PIBF1: variants seen among roughly 807,000 people sequenced by gnomAD.
The protein encoded by PIBF1 is progesterone-induced-blocking factor 1.
Under a neutral mutation model 112.5 loss-of-function variants are expected in PIBF1, and 90 were observed. The observed-to-expected ratio is 0.80, with a 90% CI of 0.67 to 0.95. The LOEUF is 0.95. Among genes scored for constraint, PIBF1 ranks in the 40% least tolerant of loss-of-function variants. The pLI is 0.00. For missense variants in PIBF1, 915 were observed against 852.3 expected (o/e 1.07, Z -0.92); for synonymous variants, 301 against 288.6 (o/e 1.04, Z -0.44).
rs1354375330 is a variant in PIBF1 at position 72,947,154 on chromosome 13, C to T, written c.1833+15887C>T. 2.6e-5 allele frequency among the ~76,000 whole-genome samples: 4 copies of T among 152,230 alleles called. No individual in the cohort carries two copies. In the East Asian group the frequency reaches 5.8e-4, roughly 22 times the overall value. ...TGAAATCTAGTCAGTGGTTTCCAAA[C>T]CTCAGTTCTTAACTTCTGTACCCCT... On this transcript the variant is annotated intron_variant, in intron 14 of 17. Coordinates refer to ENST00000326291, the MANE Select transcript of PIBF1 (RefSeq NM_006346.4).
intron 14 of PIBF1, among the ~76,000 whole-genome samples, chr13:72,934,092 T>C (rs1234360253): frequency 6.6e-6 from 1 of 152,164 alleles, no homozygotes; most frequent in African/African-American, 2.4e-5. Flanking sequence ...ACTTTTCCCT[T>C]AAGATTGAAA....
chr13:72,853,993 C>A, intron 9 of PIBF1, 64 bp from the exon 10 acceptor site: 2 of 1,227,868 alleles, frequency 1.6e-6, no homozygotes, highest in African/African-American at 1.5e-5. Context: ...GATAGTCCAT[C>A]TTTAAGAAAG....
intron 16 of PIBF1, among the ~76,000 whole-genome samples, chr13:72,978,272 C>T (rs1017540979): frequency 6.6e-6 from 1 of 152,198 alleles, no homozygotes; most frequent in East Asian, 1.9e-4. Flanking sequence ...CTACTAAGTA[C>T]ATCCACATAA....
intron 14 of PIBF1, among the ~76,000 whole-genome samples, chr13:72,946,333 A>G (rs1408643459): frequency 6.6e-6 from 1 of 152,172 alleles, no homozygotes; most frequent in Non-Finnish European, 1.5e-5. Flanking sequence ...TGCCCGCATG[A>G]TTAATTACTT....
At chr13:72,998,067 C>T (rs2043737686) in intron 16 of PIBF1, among the ~76,000 whole-genome samples, 1 of 152,130 alleles carries the variant, frequency 6.6e-6, no homozygotes, top group African/African-American at 2.4e-5. Context: ...CTAAAGAAAT[C>T]CTGAATCTGT....
intron 10 of PIBF1, among the ~76,000 whole-genome samples, chr13:72,864,555 G>A (rs1010195905): frequency 2.0e-5 from 3 of 152,096 alleles, no homozygotes; most frequent in Non-Finnish European, 2.9e-5. Flanking sequence ...GCGCATGTGC[G>A]TGCATGTGTG....
intron 11 of PIBF1, among the ~76,000 whole-genome samples, chr13:72,907,206 G>T (rs947547671): frequency 2.0e-5 from 3 of 151,926 alleles, no homozygotes; most frequent in African/African-American, 7.2e-5. Context: ...TTTACTTTGG[G>T]GGAAAGTTTT....
chr13:72,914,224 T>TAA (rs2041004553), intron 12 of PIBF1, among the ~76,000 whole-genome samples: 1 of 152,216 alleles, frequency 6.6e-6, no homozygotes, highest in African/African-American at 2.4e-5. Flanking sequence ...TATTAAGGTG[T>TAA]AACCATAGCA....
chr13:72,873,113 C>T (rs1393190918), intron 10 of PIBF1, among the ~76,000 whole-genome samples: 1 of 151,954 alleles, frequency 6.6e-6, no homozygotes, highest in Admixed American at 6.6e-5. Flanking sequence ...ACATGGAAAT[C>T]GAAAGGACCA....
At chr13:72,877,407 G>A (rs1199083156) in intron 10 of PIBF1, among the ~76,000 whole-genome samples, 1 of 152,166 alleles carries the variant, frequency 6.6e-6, no homozygotes, top group Non-Finnish European at 1.5e-5. Context: ...TAATAAATTA[G>A]AAAGTATTCC....
intron 11 of PIBF1, among the ~76,000 whole-genome samples, chr13:72,899,267 C>G (rs1477218824): frequency 6.6e-6 from 1 of 152,158 alleles, no homozygotes; most frequent in African/African-American, 2.4e-5. Flanking sequence ...CTCCCTAATT[C>G]ATTCTATAAA....
rs185795004 is a variant in PIBF1, at chr13:72,874,815, G to A, written c.1323-18969G>A. Among the ~76,000 whole-genome samples the A allele has an allele frequency of 9.5e-4, 144 of 152,212 alleles. 1 individual carries two copies. The highest frequency in any genetic ancestry group is 3.2e-3 in the African/African-American group (132 of 41,528). On this transcript the variant is annotated intron_variant, in intron 10 of 17. Coordinates refer to ENST00000326291, the MANE Select transcript of PIBF1 (RefSeq NM_006346.4). ...GGGTTCACTGCAAAATTGAAAGGAG[G>A]TACAGATTGCTCATATAACCCCTAC...
intron 10 of PIBF1, among the ~76,000 whole-genome samples, chr13:72,892,106 G>A (rs1007583537): frequency 2.0e-5 from 3 of 152,050 alleles, no homozygotes; most frequent in East Asian, 1.9e-4. Context: ...ATAATGATGT[G>A]CAAATTTGTA....
rs1491281184 is a variant in PIBF1, at chr13:72,832,071, C to CTTTTTTTTTTTTTTTTTTTTTT, written c.1098-3172_1098-3171insTTTTTTTTTTTTTTTTTTTTTT. On this transcript the variant is annotated intron_variant, in intron 8 of 17. Transcript: ENST00000326291. ...TCAGAGATTAGAATTGCAATTCCGG[C>CTTTTTTTTTTTTTTTTTTTTTT]CTTTTTTTTTTTTTTTTTTTTTTTT... 3.4e-5 allele frequency among the ~76,000 whole-genome samples: 2 copies of CTTTTTTTTTTTTTTTTTTTTTT among 59,492 alleles called. 1 individual carries two copies. Among genetic ancestry groups the CTTTTTTTTTTTTTTTTTTTTTT allele is most frequent in the African/African-American group, 1.1e-4 (2 of 17,818 alleles). The allele number at this position is 59,492 out of a possible 152,430, so 39.0% of individuals were successfully genotyped here.
chr13:73,004,725 A>G (rs1367712102), intron 17 of PIBF1, among the ~76,000 whole-genome samples: 1 of 152,224 alleles, frequency 6.6e-6, no homozygotes, highest in Admixed American at 6.5e-5. Flanking sequence ...TCATATTAAT[A>G]GAGACAGAAA....
chr13:72,992,578 G>T (rs1298803992), intron 16 of PIBF1, among the ~76,000 whole-genome samples: 1 of 152,116 alleles, frequency 6.6e-6, no homozygotes, highest in African/African-American at 2.4e-5. Context: ...CAGATCACTT[G>T]AACTCACAAG....
At chr13:72,960,662 G>A (rs921854329) in intron 14 of PIBF1, among the ~76,000 whole-genome samples, 3 of 152,152 alleles carry the variant, frequency 2.0e-5, no homozygotes, top group African/African-American at 7.2e-5. Flanking sequence ...GAACTGTTCT[G>A]CACTTTGAAA....
chr13:72,791,829 TCACCA>T (rs2034946008), intron 2 of PIBF1, among the ~76,000 whole-genome samples: 1 of 151,852 alleles, frequency 6.6e-6, no homozygotes, highest in Non-Finnish European at 1.5e-5. Context: ...AGATGGAGTT[TCACCA>T]TGCTGGCCAG....
chr13:72,909,308 G>T (rs2040816777), intron 12 of PIBF1, among the ~76,000 whole-genome samples: 1 of 152,074 alleles, frequency 6.6e-6, no homozygotes, highest in Admixed American at 6.6e-5. Context: ...CCCGTCTCAA[G>T]GGGTTTCTAA....
Sources: allele counts gnomAD v4.1 joint callset (sites outside exome capture counted in the v4.1 genomes callset), GRCh38; gene constraint gnomAD v4.1.1; transcripts MANE v1.5; gene names NCBI Gene and HGNC (gene_info 2026-07-23, HGNC 2026-07-21).